Variants in TMEM140 observed in about 807,000 individuals in gnomAD.
The protein encoded by TMEM140 is transmembrane protein 140.
For synonymous variants in TMEM140, 107 were observed against 106.8 expected (o/e 1.00, Z -0.01); for missense variants, 236 against 228.5 (o/e 1.03, Z -0.21).
intron 1 of TMEM140, among the ~76,000 whole-genome samples, chr7:135,157,328 G>A (rs933977571): frequency 5.3e-5 from 8 of 152,120 alleles, no homozygotes; most frequent in Non-Finnish European, 1.0e-4. Context: ...TGACTTCTTC[G>A]GCATAGGGTC....
At chr7:135,160,121 T>C (rs1829891628) in intron 1 of TMEM140, among the ~76,000 whole-genome samples, 1 of 152,258 alleles carries the variant, frequency 6.6e-6, no homozygotes, top group Non-Finnish European at 1.5e-5. Context: ...TATATATTTA[T>C]GTAATCCCAA....
rs1345669797 is a variant in TMEM140 at position 135,148,239 on chromosome 7, G to A, written c.-56G>A. ...CTGATTTCCTGCTTCTCCTTTTCAT[G>A]AGTGTTCCTGTGGTCTCTGCACCTC... On this transcript the variant is annotated 5_prime_UTR_variant, in exon 1 of 2. An upstream start codon of the reference 5' UTR is lost. Transcript: ENST00000275767. The A allele has an allele frequency of 2.5e-6, 1 of 400,820 alleles. No individual in the cohort carries two copies. Among genetic ancestry groups the A allele is most frequent in the Non-Finnish European group, 4.9e-6 (1 of 203,806 alleles). The allele number at this position is 400,820 out of a possible 1,614,324, so 24.8% of individuals were successfully genotyped here. A position where few individuals can be genotyped will look rare whatever the true frequency, so the allele number is the denominator to read the frequency against.
intron 1 of TMEM140, among the ~76,000 whole-genome samples, chr7:135,153,895 A>G (rs1322485182): frequency 6.6e-6 from 1 of 152,118 alleles, no homozygotes; most frequent in Non-Finnish European, 1.5e-5. Context: ...TGATTTTTTA[A>G]TAGTTTCAGG....
Position 135,165,045 on chromosome 7 carries a change from T to G in TMEM140, c.*46T>G, listed in dbSNP as rs535270843. 5 of 1,514,532 alleles carry G rather than the reference T, an allele frequency of 3.3e-6. No homozygotes were observed. In the African/African-American group the frequency reaches 5.6e-5, roughly 17 times the overall value. The allele number at this position is 1,514,532 out of a possible 1,614,324, so 93.8% of individuals were successfully genotyped here. ...GTTCAGTTCCAACCATGGTCAGAGG[T>G]GGCACATCTGCTCAGCCATCTCATT... is the stretch of plus-strand genomic sequence containing the variant. On this transcript the variant is annotated 3_prime_UTR_variant, in exon 2 of 2. Transcript: ENST00000275767.
chr7:135,163,342 A>T (rs1323173156), intron 1 of TMEM140, among the ~76,000 whole-genome samples: 1 of 152,180 alleles, frequency 6.6e-6, no homozygotes, highest in African/African-American at 2.4e-5. Flanking sequence ...TTTTATTATT[A>T]TTTTTAAAAT....
rs759967875 is a variant in TMEM140, at chr7:135,164,450, C to A, written c.9C>A (p.Gly3=). 1 of 1,598,682 alleles carries A rather than the reference C, an allele frequency of 6.3e-7. No individual in the cohort carries two copies. Among genetic ancestry groups the A allele is most frequent in the South Asian group, 1.1e-5 (1 of 90,798 alleles). The change falls in exon 2 of 2, where the codon GGC becomes GGA. Residue 3 remains glycine (G), a synonymous_variant. Transcript: ENST00000275767. Reference sequence around the variant, plus strand: ...GGCAGAGGGCAGTAGAGATGGCCGGCCCAAGGCCTCGGTGGCGCGACCAGC... The same window carrying A: ...GGCAGAGGGCAGTAGAGATGGCCGGACCAAGGCCTCGGTGGCGCGACCAGC... MA[G]PRPRWRDQLL... is the part of the protein sequence containing the mutation.
In TMEM140 at chr7:135,164,742, C is replaced by T; in HGVS notation, c.301C>T (p.Leu101Phe). 1 of 1,614,234 alleles carries T rather than the reference C, an allele frequency of 6.2e-7. No individual in the cohort carries two copies. Among genetic ancestry groups the T allele is most frequent in the Non-Finnish European group, 8.5e-7 (1 of 1,180,038 alleles). Residue 101 changes from leucine to phenylalanine, a missense_variant, in exon 2 of 2, where the codon CTC becomes TTC. Coordinates refer to ENST00000275767, the MANE Select transcript of TMEM140 (RefSeq NM_018295.5). ...LVLTLFAPQP[L>F]LLAQCNSDER... ...CCTCACCCTCTTTGCCCCCCAGCCTCTCCTCCTAGCCCAGTGCAACAGTGA... is the reference window on the plus strand; with the variant it reads ...CCTCACCCTCTTTGCCCCCCAGCCTTTCCTCCTAGCCCAGTGCAACAGTGA...
chr7:135,155,477 A>G (rs565686029), intron 1 of TMEM140, among the ~76,000 whole-genome samples: 1 of 152,114 alleles, frequency 6.6e-6, no homozygotes, highest in East Asian at 1.9e-4. Flanking sequence ...CTTCCTTTGT[A>G]TGATTGTTTT....
Position 135,166,155 on chromosome 7 carries a change from T to C in TMEM140, c.*1156T>C, listed in dbSNP as rs1830118140. On this transcript the variant is annotated 3_prime_UTR_variant, in exon 2 of 2. Transcript: ENST00000275767. ...ATAGACTCATGATGGAAACTATTTT[T>C]GAAACAGGCTTCCTCCTTCAGGAGA... The C allele has an allele frequency of 6.5e-6, 1 of 153,836 alleles. No homozygotes were observed. Among genetic ancestry groups the C allele is most frequent in the African/African-American group, 2.4e-5 (1 of 41,504 alleles). 9.5% of individuals were successfully genotyped at this position (153,836 alleles called of 1,614,324 possible). A position where few individuals can be genotyped will look rare whatever the true frequency, so the allele number is the denominator to read the frequency against.
intron 1 of TMEM140, among the ~76,000 whole-genome samples, chr7:135,163,161 T>C (rs772274561): frequency 7.2e-5 from 11 of 152,190 alleles, no homozygotes; most frequent in South Asian, 2.1e-4. Flanking sequence ...GCACAGCCAT[T>C]GATCATGTTT....
Position 135,164,524 on chromosome 7 carries a change from T to C in TMEM140, c.83T>C (p.Met28Thr), listed in dbSNP as rs1331692033. 1.2e-6 allele frequency: 2 copies of C among 1,614,016 alleles called. No homozygotes were observed. The highest frequency in any genetic ancestry group is 1.7e-5 in the Admixed American group (1 of 60,014). ...IVLVIVVICL[M>T]FYALLWEAGN... ...CTCGTGATTGTGGTCATCTGCCTGA[T>C]GTTTTACGCTCTTCTCTGGGAGGCT... Residue 28 changes from methionine (M) to threonine (T), a missense_variant, in exon 2 of 2, where the codon ATG becomes ACG. Met to Thr is a moderately conservative substitution (Grantham distance 81). Transcript: ENST00000275767.
intron 1 of TMEM140, among the ~76,000 whole-genome samples, chr7:135,159,642 T>C (rs567471349): frequency 3.3e-5 from 5 of 152,360 alleles, no homozygotes; most frequent in South Asian, 2.1e-4. Context: ...TATACTTTAC[T>C]GTCACAACTA....
rs138972536 is a variant in TMEM140, at chr7:135,150,831, G to T, written c.-25+2561G>T. Among the ~76,000 whole-genome samples, 191 of 152,310 alleles carry T rather than the reference G, an allele frequency of 1.3e-3. 1 individual carries two copies. Among genetic ancestry groups the T allele is most frequent in the African/African-American group, 4.4e-3 (183 of 41,560 alleles). On this transcript the variant is annotated intron_variant, in intron 1 of 1. Transcript: ENST00000275767. ...AGATGGTGCCACTGCATTCCACCCT[G>T]GGTGACAGAGCAAGACTGTCTCAAA...
At chr7:135,154,215 T>C (rs1305555913) in intron 1 of TMEM140, among the ~76,000 whole-genome samples, 2 of 152,204 alleles carry the variant, frequency 1.3e-5, no homozygotes, top group Non-Finnish European at 2.9e-5. Flanking sequence ...TTGGATCTTC[T>C]TTCTTCTTGG....
Position 135,164,976 on chromosome 7 carries a change from G to A in TMEM140, c.535G>A (p.Glu179Lys). The change falls in exon 2 of 2, where the codon GAG becomes AAG. Residue 179 changes from glutamate (E) to lysine (K), a missense_variant. Physicochemically the swap from Glu to Lys is moderately conservative, Grantham distance 56. Coordinates refer to ENST00000275767, the MANE Select transcript of TMEM140 (RefSeq NM_018295.5). The part of the protein sequence containing the change: ...AVFPLRAERA[E>K]SKLESC The stretch of plus-strand genomic sequence containing the variant: ...GTTCCCTCTGAGGGCTGAGAGGGCT[G>A]AGAGCAAGCTTGAGAGCTGCTAAAG... The A allele has an allele frequency of 6.2e-7, 1 of 1,602,342 alleles. No individual in the cohort carries two copies. Among genetic ancestry groups the A allele is most frequent in the Non-Finnish European group, 8.5e-7 (1 of 1,172,138 alleles).
Position 135,165,154 on chromosome 7 carries a change from C to A in TMEM140, c.*155C>A, listed in dbSNP as rs1282784247. 5.1e-6 allele frequency: 4 copies of A among 787,006 alleles called. No individual in the cohort carries two copies. Among genetic ancestry groups the A allele is most frequent in the African/African-American group, 3.5e-5 (2 of 57,186 alleles). 48.8% of individuals were successfully genotyped at this position (787,006 alleles called of 1,614,324 possible). ...CCCCTGTGTCAAAGAGGCCGAGGGG[C>A]AGCAAGGGCAGCCAGGGCACCTGTG... is the stretch of plus-strand genomic sequence containing the variant. On this transcript the variant is annotated 3_prime_UTR_variant, in exon 2 of 2. Transcript: ENST00000275767.
At chr7:135,163,169 T>C (rs1829991282) in intron 1 of TMEM140, among the ~76,000 whole-genome samples, 1 of 152,228 alleles carries the variant, frequency 6.6e-6, no homozygotes, top group African/African-American at 2.4e-5. Context: ...ATTGATCATG[T>C]TTTTGAAGAA....
chr7:135,154,171 T>C (rs1195146287), intron 1 of TMEM140, among the ~76,000 whole-genome samples: 4 of 152,308 alleles, frequency 2.6e-5, no homozygotes, highest in African/African-American at 9.6e-5. Flanking sequence ...ATGGTATCAG[T>C]TGTAATGTCT....
chr7:135,157,172 G>C lies in TMEM140; in HGVS notation c.-24-7246G>C, dbSNP rs112167243. Among the ~76,000 whole-genome samples the C allele has an allele frequency of 1.6e-3, 241 of 152,286 alleles. 3 individuals carry two copies. The highest frequency in any genetic ancestry group is 5.3e-3 in the African/African-American group (220 of 41,536). On this transcript the variant is annotated intron_variant, in intron 1 of 1. Transcript: ENST00000275767. ...TACATGTTTCCTGTATCCTTCCATT[G>C]ATTTCTTTGCGTCTGGTGTAGCAGT...
Sources: allele counts gnomAD v4.1 joint callset (sites outside exome capture counted in the v4.1 genomes callset), GRCh38; gene constraint gnomAD v4.1.1; transcripts MANE v1.5; gene names NCBI Gene and HGNC (gene_info 2026-07-23, HGNC 2026-07-21).